Variants in KCNU1 observed in about 807,000 individuals in gnomAD.
KCNU1 encodes the protein potassium calcium-activated channel subfamily U member 1, also known as potassium channel subfamily U member 1.
Under a neutral mutation model 126.8 loss-of-function variants are expected in KCNU1, and 93 were observed. The observed-to-expected ratio is 0.73, with a 90% CI of 0.62 to 0.87. The LOEUF (loss-of-function observed/expected upper bound fraction) is 0.87, where lower values mean the gene tolerates loss of function less well. KCNU1 is among the 40% of genes least tolerant of loss of function. The pLI, the probability that KCNU1 is intolerant of heterozygous loss-of-function variation, is 0.00. For synonymous variants in KCNU1, 523 were observed against 494.2 expected (o/e 1.06, Z -0.77); for missense variants, 1,330 against 1,367.1 (o/e 0.97, Z 0.43).
chr8:36,922,844 C>G, intron 24 of KCNU1: 1 of 604,228 alleles, frequency 1.7e-6, no homozygotes, highest in Non-Finnish European at 2.9e-6. Flanking sequence ...AAACTTGAGG[C>G]CCTTGCAGCC....
intron 5 of KCNU1, 25 bp downstream of exon 5, chr8:36,806,405 G>T: frequency 8.4e-7 from 1 of 1,187,794 alleles, no homozygotes. Context: ...GGAACGGGTA[G>T]CAATATCTAT....
At chr8:36,836,760 C>G in intron 13 of KCNU1, 33 bp from the exon 14 acceptor site, 1 of 1,607,166 alleles carries the variant, frequency 6.2e-7, no homozygotes, top group Non-Finnish European at 8.5e-7. Flanking sequence ...GTGTTTATTC[C>G]TAATGTTTGA....
chr8:36,814,134 G>A (rs1465731691), intron 7 of KCNU1, 73 bp from the exon 8 acceptor site: 12 of 1,140,770 alleles, frequency 1.1e-5, no homozygotes, highest in Non-Finnish European at 1.5e-5. Flanking sequence ...TTAATCTAAT[G>A]TTTTGCCTAT....
chr8:36,792,687 A>G (rs560145762), intron 2 of KCNU1, among the ~76,000 whole-genome samples: 5 of 152,348 alleles, frequency 3.3e-5, no homozygotes, highest in Non-Finnish European at 5.9e-5. Flanking sequence ...TAAAATTTAT[A>G]AAGTGGGGAT....
At chr8:36,805,399 C>A in intron 4 of KCNU1, 114 bp downstream of exon 4, 1 of 663,056 alleles carries the variant, frequency 1.5e-6, no homozygotes, top group Non-Finnish European at 2.7e-6. Context: ...CTAAAGATAG[C>A]TAATCTGTGC....
intron 24 of KCNU1, among the ~76,000 whole-genome samples, chr8:36,928,258 G>C (rs1279785054): frequency 6.6e-6 from 1 of 152,070 alleles, no homozygotes; most frequent in Non-Finnish European, 1.5e-5. Flanking sequence ...TAAAGCACAT[G>C]TTTTCCTAGA....
At chr8:36,814,813 C>T (rs892857580) in intron 8 of KCNU1, among the ~76,000 whole-genome samples, 4 of 152,168 alleles carry the variant, frequency 2.6e-5, no homozygotes, top group African/African-American at 7.2e-5. Flanking sequence ...GCCTGGCTTA[C>T]GAATGTAGCA....
chr8:36,826,794 G>C (rs189184790), intron 10 of KCNU1, among the ~76,000 whole-genome samples: 1 of 152,104 alleles, frequency 6.6e-6, no homozygotes, highest in Admixed American at 6.6e-5. Flanking sequence ...TGTCATGAGG[G>C]TTTGTTGTAC....
At chr8:36,910,514 A>T (rs890244797) in intron 21 of KCNU1, among the ~76,000 whole-genome samples, 3 of 152,160 alleles carry the variant, frequency 2.0e-5, no homozygotes, top group Admixed American at 2.0e-4. Context: ...TAACCCAGAG[A>T]GTATAAGTAG....
At chr8:36,898,644 T>C (rs1331357426) in intron 19 of KCNU1, among the ~76,000 whole-genome samples, 1 of 152,144 alleles carries the variant, frequency 6.6e-6, no homozygotes, top group East Asian at 1.9e-4. Flanking sequence ...GGATTGAAAG[T>C]GTCAGAGTAA....
At chr8:36,889,619 T>G (rs1169535357) in intron 19 of KCNU1, among the ~76,000 whole-genome samples, 2 of 151,816 alleles carry the variant, frequency 1.3e-5, no homozygotes, top group Non-Finnish European at 2.9e-5. Context: ...ATAAGAACAA[T>G]ATCAAAAGAA....
chr8:36,845,774 T>A (rs373423833), intron 17 of KCNU1, 28 bp from the exon 18 acceptor site: 567 of 1,548,574 alleles, frequency 3.7e-4, no homozygotes, highest in Non-Finnish European at 5.0e-4. Context: ...CTCACATAAT[T>A]CATTCTTGGT....
chr8:36,823,114 G>A (rs1230447979), intron 10 of KCNU1, among the ~76,000 whole-genome samples: 3 of 152,106 alleles, frequency 2.0e-5, no homozygotes, highest in Admixed American at 2.0e-4. Context: ...AGGGGATGGG[G>A]CAGATCAGAA....
intron 2 of KCNU1, among the ~76,000 whole-genome samples, chr8:36,788,083 T>A (rs1246348909): frequency 6.6e-6 from 1 of 152,108 alleles, no homozygotes; most frequent in Non-Finnish European, 1.5e-5. Context: ...TTGATTTCAA[T>A]AGACTCTTTA....
intron 19 of KCNU1, among the ~76,000 whole-genome samples, chr8:36,881,624 C>T (rs1018155805): frequency 6.6e-6 from 1 of 152,110 alleles, no homozygotes; most frequent in East Asian, 1.9e-4. Context: ...GTACAAAGTA[C>T]TGGCATATTA....
At chr8:36,897,388 T>C (rs1807239362) in intron 19 of KCNU1, among the ~76,000 whole-genome samples, 1 of 152,020 alleles carries the variant, frequency 6.6e-6, no homozygotes, top group Non-Finnish European at 1.5e-5. Flanking sequence ...TACAAGGAAA[T>C]AAATGACTTC....
intron 22 of KCNU1, among the ~76,000 whole-genome samples, chr8:36,917,952 G>A (rs1808182608): frequency 6.6e-6 from 1 of 152,166 alleles, no homozygotes; most frequent in African/African-American, 2.4e-5. Flanking sequence ...AGCCAGTTCT[G>A]CAGAGACAAC....
At position 36,868,419 on chromosome 8, in the gene KCNU1, A is replaced by AT. The variant is rs554153895; in HGVS notation, c.2009+3906dup. ...ATGTGCTATGTGCTATTTGTGATCCATTTTTTTTATGCCTTAATAGTCTTA... is the reference window on the plus strand; with the variant it reads ...ATGTGCTATGTGCTATTTGTGATCCATTTTTTTTTATGCCTTAATAGTCTTA... On this transcript the variant is annotated intron_variant, in intron 19 of 26. Coordinates refer to ENST00000399881, the MANE Select transcript of KCNU1 (RefSeq NM_001031836.3). Among the ~76,000 whole-genome samples, 9 of 152,010 alleles carry AT rather than the reference A, an allele frequency of 5.9e-5. 1 individual carries two copies. In the East Asian group the frequency reaches 7.7e-4, roughly 13 times the overall value.
At chr8:36,883,986 G>C (rs950322240) in intron 19 of KCNU1, among the ~76,000 whole-genome samples, 5 of 152,184 alleles carry the variant, frequency 3.3e-5, no homozygotes, top group African/African-American at 1.2e-4. Context: ...TCTTCAGTGT[G>C]TTGGGTGTGG....
Sources: gnomAD v4.1 joint callset for allele counts (sites outside exome capture counted in the v4.1 genomes callset) on GRCh38, gnomAD v4.1.1 for gene constraint, MANE v1.5 for transcripts, NCBI Gene and HGNC (gene_info 2026-07-23, HGNC 2026-07-21) for gene names.